ATAD2B: variants seen among roughly 807,000 people sequenced by gnomAD.
ATAD2B encodes ATPase family AAA domain containing 2B.
ATAD2B carries 40 observed loss-of-function variants against 167.6 expected under a neutral mutation model. The ratio of observed to expected loss-of-function variants is 0.24; its 90% confidence interval spans 0.19 to 0.31. The LOEUF (loss-of-function observed/expected upper bound fraction) is 0.31, where lower values mean the gene tolerates loss of function less well. ATAD2B is among the 10% of genes least tolerant of loss of function. ATAD2B has a pLI of 1.00. For synonymous variants in ATAD2B, 579 were observed against 596.5 expected (o/e 0.97, Z 0.43); for missense variants, 1,242 against 1,757.2 (o/e 0.71, Z 5.24).
chr2:23,780,240 G>T (rs1214962833), intron 22 of ATAD2B, among the ~76,000 whole-genome samples: 1 of 130,550 alleles, frequency 7.7e-6, no homozygotes, highest in Non-Finnish European at 1.6e-5. Flanking sequence ...AGAACAAGAT[G>T]CTGTCTCCAA....
the ATAD2B span, among the ~76,000 whole-genome samples, chr2:23,680,605 T>C: frequency 6.7e-6 from 1 of 150,182 alleles, no homozygotes; most frequent in African/African-American, 2.4e-5. The surrounding 1 kb of genome is among the most constrained non-coding windows in gnomAD (Gnocchi z 4.1). Context: ...CGAGCCTCCA[T>C]GCAGGGAGGG....
At chr2:23,902,757 T>TA (rs1558768033) in intron 1 of ATAD2B, among the ~76,000 whole-genome samples, 1 of 152,012 alleles carries the variant, frequency 6.6e-6, no homozygotes, top group African/African-American at 2.4e-5. Flanking sequence ...AAGGCAGTGG[T>TA]AAAAAAGATG....
chr2:23,887,474 T>C (rs1325897416), intron 4 of ATAD2B, among the ~76,000 whole-genome samples: 1 of 152,228 alleles, frequency 6.6e-6, no homozygotes, highest in Non-Finnish European at 1.5e-5. Flanking sequence ...AATTTGATGT[T>C]ATCACTGTAG....
chr2:23,786,256 A>G, intron 20 of ATAD2B, 33 bp from the exon 21 acceptor site: 1 of 1,515,102 alleles, frequency 6.6e-7, no homozygotes, highest in South Asian at 1.2e-5. Flanking sequence ...TTAAGATTCC[A>G]ACGTCGTGGG....
chr2:23,769,048 A>C (rs1677886872), intron 22 of ATAD2B, among the ~76,000 whole-genome samples: 1 of 152,228 alleles, frequency 6.6e-6, no homozygotes. Flanking sequence ...TGGCTAGGTC[A>C]AATGATAGGT....
chr2:23,693,572 G>T, the ATAD2B span: 3 of 1,529,960 alleles, frequency 2.0e-6, no homozygotes, highest in East Asian at 2.5e-5. Flanking sequence ...TGGGTTTGGG[G>T]TCCCCCTGCG....
chr2:23,925,195 GT>G (rs1399945961), intron 1 of ATAD2B, among the ~76,000 whole-genome samples: 1 of 152,164 alleles, frequency 6.6e-6, no homozygotes, highest in African/African-American at 2.4e-5. Flanking sequence ...ATTCTCAACA[GT>G]TTGCACAACT....
intron 24 of ATAD2B, among the ~76,000 whole-genome samples, chr2:23,759,711 A>C (rs1259311487): frequency 6.6e-6 from 1 of 152,100 alleles, no homozygotes; most frequent in Admixed American, 6.6e-5. Context: ...TTCCCCTATT[A>C]ATTTCTATTT....
chr2:23,824,662 T>C (rs1255444360), intron 15 of ATAD2B, among the ~76,000 whole-genome samples: 1 of 152,232 alleles, frequency 6.6e-6, no homozygotes, highest in African/African-American at 2.4e-5. Context: ...AGGTATTATT[T>C]ATTACCCATG....
intron 1 of ATAD2B, among the ~76,000 whole-genome samples, chr2:23,914,308 A>C (rs1242357838): frequency 6.6e-6 from 1 of 152,142 alleles, no homozygotes; most frequent in Non-Finnish European, 1.5e-5. Flanking sequence ...AGTATCCTTT[A>C]GTGTGGGACC....
intron 23 of ATAD2B, 58 bp from the exon 24 acceptor site, chr2:23,762,404 G>A: frequency 6.6e-7 from 1 of 1,508,248 alleles, no homozygotes; most frequent in Non-Finnish European, 8.9e-7. Flanking sequence ...TAAACCAAAA[G>A]GTTTTTAAAA....
At chr2:23,863,686 T>G in intron 11 of ATAD2B, 131 bp from the exon 12 acceptor site, 1 of 850,940 alleles carries the variant, frequency 1.2e-6, no homozygotes, top group Non-Finnish European at 1.7e-6. Flanking sequence ...ATAAAGCTTT[T>G]TCCAGGATAT....
intron 22 of ATAD2B, among the ~76,000 whole-genome samples, chr2:23,781,084 T>C (rs1009102950): frequency 6.6e-6 from 1 of 151,986 alleles, no homozygotes; most frequent in Non-Finnish European, 1.5e-5. Flanking sequence ...CCTGGCACTG[T>C]CAGCTAGGCC....
chr2:23,710,589 A>G, the ATAD2B span, among the ~76,000 whole-genome samples: 1 of 152,210 alleles, frequency 6.6e-6, no homozygotes, highest in African/African-American at 2.4e-5. Flanking sequence ...CCATGAGGAA[A>G]TCATAAAACT....
chr2:23,852,403 G>A (rs991632094), intron 13 of ATAD2B, among the ~76,000 whole-genome samples: 2 of 151,876 alleles, frequency 1.3e-5, no homozygotes, highest in African/African-American at 2.4e-5. Flanking sequence ...GAGATTACAG[G>A]CATGCACCAT....
chr2:23,802,633 A>G (rs993716982), intron 18 of ATAD2B, among the ~76,000 whole-genome samples: 92 of 151,774 alleles, frequency 6.1e-4, no homozygotes, highest in African/African-American at 2.2e-3. Context: ...CTTGTCTACA[A>G]CTCAAAAAAA....
At chr2:23,880,798 T>A in intron 6 of ATAD2B, 43 bp from the exon 7 acceptor site, 1 of 1,188,822 alleles carries the variant, frequency 8.4e-7, no homozygotes, top group Non-Finnish European at 1.2e-6. Flanking sequence ...GGCATTATTT[T>A]AATTCAAAAG....
chr2:23,769,809 G>C (rs1243568774), intron 22 of ATAD2B, among the ~76,000 whole-genome samples: 1 of 147,132 alleles, frequency 6.8e-6, no homozygotes, highest in East Asian at 2.1e-4. Context: ...TCTGCCTCCT[G>C]AGTAGCTGGG....
chr2:23,856,326 ATTTCC>A (rs974016059), intron 13 of ATAD2B: 2 of 192,778 alleles, frequency 1.0e-5, no homozygotes, highest in African/African-American at 4.8e-5. Flanking sequence ...TTTGATGAGC[ATTTCC>A]TTTGAGTGTC....
Sources: allele counts gnomAD v4.1 joint callset (sites outside exome capture counted in the v4.1 genomes callset), GRCh38; gene constraint gnomAD v4.1.1; non-coding constraint Gnocchi (gnomAD v3.1); transcripts MANE v1.5; gene names NCBI Gene and HGNC (gene_info 2026-07-23, HGNC 2026-07-21).